The following FBXL17 variants were observed in gnomAD, a reference collection of about 807,000 sequenced individuals.
The protein encoded by FBXL17 is F-box and leucine rich repeat protein 17, also known as F-box/LRR-repeat protein 17.
In FBXL17, 22 loss-of-function variants were observed where a neutral mutation model predicts 66.2. The observed-to-expected ratio is 0.33, with a 90% confidence interval of 0.24 to 0.47. The LOEUF (loss-of-function observed/expected upper bound fraction) is 0.47. Ranked by LOEUF, FBXL17 falls within the 20% of genes least tolerant of loss-of-function variation. The pLI, the probability that FBXL17 is intolerant of heterozygous loss-of-function variation, is 1.00. For synonymous variants in FBXL17, 474 were observed against 400.5 expected (o/e 1.18, Z -2.19); for missense variants, 878 against 948.2 (o/e 0.93, Z 0.97).
At chr5:108,313,850 T>C (rs930021048) in intron 4 of FBXL17, among the ~76,000 whole-genome samples, 8 of 151,878 alleles carry the variant, frequency 5.3e-5, no homozygotes, top group Admixed American at 3.3e-4. Flanking sequence ...CAGTATTCTA[T>C]TTATTTTACT....
chr5:108,122,112 A>G (rs962215602), intron 6 of FBXL17, among the ~76,000 whole-genome samples: 16 of 152,178 alleles, frequency 1.1e-4, no homozygotes, highest in African/African-American at 3.9e-4. Flanking sequence ...CTTATTATGT[A>G]CCAGGTACTA....
At chr5:107,922,938 T>G (rs532046616) in intron 7 of FBXL17, among the ~76,000 whole-genome samples, 1 of 152,242 alleles carries the variant, frequency 6.6e-6, no homozygotes, top group South Asian at 2.1e-4. Context: ...TTTTCTTTCA[T>G]TCTGTGTTTT....
intron 4 of FBXL17, among the ~76,000 whole-genome samples, chr5:108,278,481 G>A (rs992487900): frequency 1.3e-5 from 2 of 152,220 alleles, no homozygotes; most frequent in African/African-American, 4.8e-5. Flanking sequence ...AACATGGGCT[G>A]CAGCCCCCAG....
chr5:108,225,857 T>C (rs1755078135), intron 4 of FBXL17, among the ~76,000 whole-genome samples: 1 of 152,212 alleles, frequency 6.6e-6, no homozygotes, highest in African/African-American at 2.4e-5. Flanking sequence ...TTCAGCAGTA[T>C]CTGACACAAC....
At chr5:107,897,279 C>G (rs577749806) in intron 7 of FBXL17, among the ~76,000 whole-genome samples, 4 of 152,126 alleles carry the variant, frequency 2.6e-5, no homozygotes, top group South Asian at 4.1e-4. Flanking sequence ...GAAGCAAGCA[C>G]TAAGATTTAA....
intron 6 of FBXL17, among the ~76,000 whole-genome samples, chr5:108,105,436 T>G (rs529507768): frequency 5.3e-5 from 8 of 152,328 alleles, no homozygotes; most frequent in African/African-American, 1.9e-4. Flanking sequence ...AGTGAAGGCT[T>G]TGGCCACATG....
intron 4 of FBXL17, among the ~76,000 whole-genome samples, chr5:108,231,900 C>T (rs1755359982): frequency 2.0e-5 from 3 of 152,148 alleles, no homozygotes; most frequent in Admixed American, 2.0e-4. Flanking sequence ...TGGGAAACTA[C>T]AACAGCCCAA....
chr5:108,008,452 G>C (rs1754021428), intron 7 of FBXL17, among the ~76,000 whole-genome samples: 1 of 152,098 alleles, frequency 6.6e-6, no homozygotes, highest in South Asian at 2.1e-4. Context: ...ACATAAAATA[G>C]GACTGATTAA....
intron 7 of FBXL17, among the ~76,000 whole-genome samples, chr5:107,904,668 G>C (rs1017938432): frequency 5.9e-5 from 9 of 151,928 alleles, no homozygotes; most frequent in Non-Finnish European, 8.8e-5. Context: ...TCCACTGACA[G>C]GTTGGGCTCC....
At chr5:107,889,308 A>G (rs1387934060) in intron 7 of FBXL17, among the ~76,000 whole-genome samples, 1 of 152,208 alleles carries the variant, frequency 6.6e-6, no homozygotes, top group African/African-American at 2.4e-5. Context: ...ATTCAGGAAT[A>G]AATAAGGTTA....
At chr5:108,332,873 G>A (rs1484920999) in intron 4 of FBXL17, among the ~76,000 whole-genome samples, 2 of 144,646 alleles carry the variant, frequency 1.4e-5, no homozygotes, top group Non-Finnish European at 1.5e-5. Flanking sequence ...CTCCCAAAGT[G>A]CTGGGATTAC....
Position 108,001,176 on chromosome 5 carries a change from T to C in FBXL17, c.1822+19749A>G, listed in dbSNP as rs1753707691. Reference sequence around the variant, plus strand: ...TACACGTTGCTAGCCGTGTAATTTATATATATACATACATATACATATATA... The same window carrying C: ...TACACGTTGCTAGCCGTGTAATTTACATATATACATACATATACATATATA... On this transcript the variant is annotated intron_variant, in intron 7 of 8. Coordinates refer to ENST00000542267, the MANE Select transcript of FBXL17 (RefSeq NM_001163315.3). 2.0e-5 allele frequency among the ~76,000 whole-genome samples: 3 copies of C among 152,282 alleles called. No homozygotes were observed. In the South Asian group the frequency reaches 6.2e-4, roughly 32 times the overall value.
chr5:107,906,769 A>G (rs1425550784), intron 7 of FBXL17, among the ~76,000 whole-genome samples: 1 of 152,238 alleles, frequency 6.6e-6, no homozygotes, highest in Non-Finnish European at 1.5e-5. Context: ...AAGTAACCAA[A>G]GAGATTTAAA....
At chr5:108,014,878 C>G (rs1754320958) in intron 7 of FBXL17, among the ~76,000 whole-genome samples, 1 of 152,130 alleles carries the variant, frequency 6.6e-6, no homozygotes, top group South Asian at 2.1e-4. Context: ...TACATGTCAG[C>G]AGGCAAGAGA....
At chr5:108,117,845 T>C (rs2149960895) in intron 6 of FBXL17, among the ~76,000 whole-genome samples, 1 of 152,308 alleles carries the variant, frequency 6.6e-6, no homozygotes, top group East Asian at 1.9e-4. Flanking sequence ...AGTTCACGGA[T>C]GCTTATTAAC....
rs184647268 is a variant in FBXL17, at chr5:107,965,527, C to T, written c.1822+55398G>A. ...GATATCTCTATATGGAAATAAGATGCTGTAAAATAGAAAATCCCAGACCTT... is the reference window on the plus strand; with the variant it reads ...GATATCTCTATATGGAAATAAGATGTTGTAAAATAGAAAATCCCAGACCTT... On this transcript the variant is annotated intron_variant, in intron 7 of 8. Transcript: ENST00000542267. 6.9e-3 allele frequency among the ~76,000 whole-genome samples: 1,046 copies of T among 152,228 alleles called. 5 individuals are homozygous for T. Among genetic ancestry groups the T allele is most frequent in the Middle Eastern group, 0.017 (5 of 294 alleles).
intron 1 of FBXL17, among the ~76,000 whole-genome samples, chr5:108,380,289 TTAAC>T (rs1172299902): frequency 6.6e-6 from 1 of 152,208 alleles, no homozygotes; most frequent in Non-Finnish European, 1.5e-5. Context: ...CCGTTTGACA[TTAAC>T]TACCAGCCAT....
intron 6 of FBXL17, among the ~76,000 whole-genome samples, chr5:108,090,777 T>C (rs1749158634): frequency 1.3e-5 from 2 of 152,240 alleles, no homozygotes; most frequent in South Asian, 4.2e-4. Context: ...ATTTGGCCAA[T>C]GGACTAGGTG....
intron 2 of FBXL17, among the ~76,000 whole-genome samples, chr5:108,367,443 T>C (rs1748738377): frequency 6.6e-6 from 1 of 152,092 alleles, no homozygotes; most frequent in Admixed American, 6.6e-5. Context: ...TCAAATGAAC[T>C]AGTATGCATA....
Sources: allele counts gnomAD v4.1 joint callset (sites outside exome capture counted in the v4.1 genomes callset), GRCh38; gene constraint gnomAD v4.1.1; transcripts MANE v1.5; gene names NCBI Gene and HGNC (gene_info 2026-07-23, HGNC 2026-07-21).